Variants in SDK1 observed in about 807,000 individuals in gnomAD.
SDK1 encodes sidekick cell adhesion molecule 1.
A neutral mutation model predicts 245.5 loss-of-function variants in SDK1; 157 were observed. The observed-to-expected ratio is 0.64, with a 90% confidence interval of 0.56 to 0.73. SDK1 has a LOEUF of 0.73. Ranked by LOEUF, SDK1 falls within the 30% of genes least tolerant of loss-of-function variation. SDK1 has a pLI of 0.00. For missense variants in SDK1, 3,583 were observed against 3,002.3 expected, an observed-to-expected ratio of 1.19 and a Z score of -4.52; for synonymous variants, 1,647 against 1,278.5, an observed-to-expected ratio of 1.29 and a Z score of -6.15.
intron 13 of SDK1, among the ~76,000 whole-genome samples, chr7:3,983,034 C>G (rs1235042914): frequency 1.3e-5 from 2 of 152,104 alleles, no homozygotes; most frequent in African/African-American, 4.8e-5. Context: ...GAAGATGTAG[C>G]TGAACTGCTG....
intron 1 of SDK1, among the ~76,000 whole-genome samples, chr7:3,411,711 A>AT (rs199866841): frequency 0.014 from 2,103 of 151,208 alleles, 47 homozygotes; most frequent in African/African-American, 0.046. Flanking sequence ...ACTAATTCTC[A>AT]TTTTTTTTTC....
At chr7:3,575,453 A>G (rs1196841243) in intron 1 of SDK1, among the ~76,000 whole-genome samples, 1 of 151,906 alleles carries the variant, frequency 6.6e-6, no homozygotes, top group African/African-American at 2.4e-5. Flanking sequence ...GGACACAAAC[A>G]TCAGTCCCTA....
At chr7:3,997,982 C>T (rs1233885818) in intron 14 of SDK1, among the ~76,000 whole-genome samples, 1 of 152,226 alleles carries the variant, frequency 6.6e-6, no homozygotes, top group African/African-American at 2.4e-5. Context: ...TCCTGGGTCC[C>T]CAAGAGTGCA....
chr7:3,988,351 G>A (rs142581119), intron 14 of SDK1, among the ~76,000 whole-genome samples: 3 of 151,486 alleles, frequency 2.0e-5, no homozygotes, highest in Non-Finnish European at 4.4e-5. Flanking sequence ...TCAGACCACT[G>A]GTACCTCTCG....
At chr7:3,690,951 T>TCCAG (rs1784423338) in intron 4 of SDK1, among the ~76,000 whole-genome samples, 1 of 152,330 alleles carries the variant, frequency 6.6e-6, no homozygotes, top group Admixed American at 6.5e-5. Flanking sequence ...AATGTTTCCT[T>TCCAG]CCAGGACTCT....
chr7:4,192,900 T>C, intron 35 of SDK1, among the ~76,000 whole-genome samples: 1 of 151,522 alleles, frequency 6.6e-6, no homozygotes, highest in East Asian at 1.9e-4. Context: ...CAACATCATA[T>C]CATTTTATTC....
At chr7:3,934,679 A>G (rs1780094756) in intron 5 of SDK1, among the ~76,000 whole-genome samples, 2 of 152,268 alleles carry the variant, frequency 1.3e-5, no homozygotes, top group African/African-American at 4.8e-5. Flanking sequence ...GGAATTTGCA[A>G]GGAGTGGGGC....
intron 5 of SDK1, among the ~76,000 whole-genome samples, chr7:3,883,005 G>C (rs1781244599): frequency 6.6e-6 from 1 of 152,192 alleles, no homozygotes; most frequent in African/African-American, 2.4e-5. Flanking sequence ...GGGCCGCCCA[G>C]ATGTGATCCT....
chr7:3,513,333 T>C (rs1404325435), intron 1 of SDK1, among the ~76,000 whole-genome samples: 1 of 152,196 alleles, frequency 6.6e-6, no homozygotes, highest in Non-Finnish European at 1.5e-5. Flanking sequence ...ATATGCTATA[T>C]AGAGGAAGAC....
At chr7:3,965,752 C>T (rs968994283) in intron 9 of SDK1, among the ~76,000 whole-genome samples, 4 of 46,496 alleles carry the variant, frequency 8.6e-5, no homozygotes, top group African/African-American at 2.0e-4. Context: ...GGAGCAGGTG[C>T]GGTGGCATAT....
intron 1 of SDK1, among the ~76,000 whole-genome samples, chr7:3,492,308 C>T (rs1405014424): frequency 6.6e-6 from 1 of 152,120 alleles, no homozygotes; most frequent in Non-Finnish European, 1.5e-5. Flanking sequence ...TCCTGGCTAA[C>T]ACGGTGAAAC....
intron 19 of SDK1, among the ~76,000 whole-genome samples, chr7:4,054,522 T>G (rs909958068): frequency 2.3e-4 from 35 of 152,240 alleles, no homozygotes; most frequent in African/African-American, 7.5e-4. Context: ...ATCAAGATCT[T>G]GAATGTTTCT....
intron 19 of SDK1, among the ~76,000 whole-genome samples, chr7:4,063,154 A>C (rs1779643710): frequency 6.6e-6 from 1 of 152,210 alleles, no homozygotes; most frequent in Admixed American, 6.5e-5. Flanking sequence ...GAAAAGAGGA[A>C]GTCAGATTGT....
At chr7:3,594,532 C>T (rs1243127896) in intron 1 of SDK1, among the ~76,000 whole-genome samples, 1 of 152,142 alleles carries the variant, frequency 6.6e-6, no homozygotes, top group Non-Finnish European at 1.5e-5. Flanking sequence ...ACCGCCAAAC[C>T]ATTTCCATTT....
intron 4 of SDK1, among the ~76,000 whole-genome samples, chr7:3,782,130 C>G (rs1780764920): frequency 6.6e-6 from 1 of 152,296 alleles, no homozygotes; most frequent in South Asian, 2.1e-4. Context: ...TTCATGGGCT[C>G]ATGGTTCTGC....
intron 1 of SDK1, among the ~76,000 whole-genome samples, chr7:3,363,006 T>C (rs1166094624): frequency 1.3e-5 from 2 of 152,208 alleles, no homozygotes; most frequent in African/African-American, 2.4e-5. Context: ...TTTCCCCTTA[T>C]GGTGGCATCT....
intron 4 of SDK1, among the ~76,000 whole-genome samples, chr7:3,783,538 A>C (rs370634760): frequency 6.6e-6 from 1 of 152,168 alleles, no homozygotes; most frequent in Non-Finnish European, 1.5e-5. Context: ...TACAAAATCA[A>C]CACACAAAAA....
At chr7:3,687,832 G>T (rs563821558) in intron 4 of SDK1, among the ~76,000 whole-genome samples, 6 of 152,306 alleles carry the variant, frequency 3.9e-5, no homozygotes, top group Non-Finnish European at 7.4e-5. Flanking sequence ...CCTGCTCACA[G>T]TGCTGTTCTA....
chr7:3,491,546 T>C (rs953173930), intron 1 of SDK1, among the ~76,000 whole-genome samples: 15 of 152,218 alleles, frequency 9.9e-5, no homozygotes, highest in South Asian at 4.1e-4. Context: ...TCATAAACCA[T>C]TGTGATCGCA....
Sources: allele counts gnomAD v4.1 joint callset (sites outside exome capture counted in the v4.1 genomes callset), GRCh38; gene constraint gnomAD v4.1.1; transcripts MANE v1.5; gene names NCBI Gene and HGNC (gene_info 2026-07-23, HGNC 2026-07-21).